The following TMEM114 variants were observed in gnomAD, a reference collection of about 807,000 sequenced individuals.
TMEM114 encodes claudin-26.
In TMEM114, 6 loss-of-function variants were observed where a neutral mutation model predicts 6.2. The observed-to-expected ratio is 0.97, with a 90% confidence interval of 0.53 to 1.91. The LOEUF is 1.91. Ranked by LOEUF, TMEM114 falls within the 40% of genes most tolerant of loss-of-function variation. The pLI is 0.01. For synonymous variants in TMEM114, 104 were observed against 73.0 expected (o/e 1.42, Z -2.16); for missense variants, 218 against 158.3 (o/e 1.38, Z -2.02).
intron 2 of TMEM114, among the ~76,000 whole-genome samples, chr16:8,539,762 G>GA (rs1008172769): frequency 1.2e-3 from 171 of 144,714 alleles, no homozygotes; most frequent in Middle Eastern, 3.4e-3. Flanking sequence ...AACTAAAAAA[G>GA]AAAAAAAAAA....
At chr16:8,528,432 C>T in the TMEM114 span, among the ~76,000 whole-genome samples, 1 of 152,118 alleles carries the variant, frequency 6.6e-6, no homozygotes, top group Admixed American at 6.6e-5. Context: ...TGACCTGCTC[C>T]CCCAAACATA....
chr16:8,537,066 C>A (rs1023018210), downstream of TMEM114, among the ~76,000 whole-genome samples: 2 of 152,002 alleles, frequency 1.3e-5, no homozygotes, highest in African/African-American at 4.8e-5. Flanking sequence ...ATTAGCTGGA[C>A]TTGGTGGTGC....
At chr16:8,549,658 G>C (rs1459369031) in intron 2 of TMEM114, among the ~76,000 whole-genome samples, 2 of 152,060 alleles carry the variant, frequency 1.3e-5, no homozygotes, top group East Asian at 3.8e-4. Context: ...AAAGATGGTT[G>C]TAATAGGAAA....
At chr16:8,556,905 C>T (rs1419989433) in intron 2 of TMEM114, among the ~76,000 whole-genome samples, 1 of 152,188 alleles carries the variant, frequency 6.6e-6, no homozygotes, top group Non-Finnish European at 1.5e-5. Context: ...CTCCCTGTGG[C>T]CTTCCGTAAT....
At chr16:8,547,542 G>A (rs1439617406) in intron 2 of TMEM114, among the ~76,000 whole-genome samples, 14 of 151,872 alleles carry the variant, frequency 9.2e-5, no homozygotes, top group Non-Finnish European at 1.5e-4. Flanking sequence ...ACAGGCACCC[G>A]CCACTACGCC....
At chr16:8,551,756 G>C (rs529005742) in intron 2 of TMEM114, among the ~76,000 whole-genome samples, 1 of 152,138 alleles carries the variant, frequency 6.6e-6, no homozygotes, top group Admixed American at 6.5e-5. Context: ...TGTTTCTAGG[G>C]GTGTTTCATT....
chr16:8,556,222 C>T (rs1210024135), intron 2 of TMEM114, among the ~76,000 whole-genome samples: 1 of 152,164 alleles, frequency 6.6e-6, no homozygotes, highest in Non-Finnish European at 1.5e-5. Context: ...ACACAAGTAT[C>T]AGCCCCTCTG....
In TMEM114 at chr16:8,590,024, C is replaced by G; in HGVS notation, c.-186G>C. Reference sequence around the variant, plus strand: ...GCTTAGACCCTGGCTCCTCACCTGCCGGCTCCGACCTGCACGCGCCCCCCG... The same window carrying G: ...GCTTAGACCCTGGCTCCTCACCTGCGGGCTCCGACCTGCACGCGCCCCCCG... On this transcript the variant is annotated 5_prime_UTR_variant, in exon 1 of 4. Transcript: ENST00000620492. The G allele has an allele frequency of 2.6e-6, 1 of 380,914 alleles. No individual in the cohort carries two copies. The highest frequency in any genetic ancestry group is 4.6e-6 in the Non-Finnish European group (1 of 215,360). 23.6% of individuals were successfully genotyped at this position (380,914 alleles called of 1,614,324 possible).
At chr16:8,542,718 G>C (rs1900551296) in intron 2 of TMEM114, among the ~76,000 whole-genome samples, 1 of 152,106 alleles carries the variant, frequency 6.6e-6, no homozygotes, top group Non-Finnish European at 1.5e-5. Context: ...AGCCTTGGAA[G>C]GAACAGGGGA....
chr16:8,569,448 G>A (rs1901647614), downstream of TMEM114: 2 of 1,165,626 alleles, frequency 1.7e-6, no homozygotes, highest in Non-Finnish European at 2.1e-6. Flanking sequence ...TGGGTGAGGA[G>A]GAAATGAAGT....
chr16:8,545,835 C>G (rs1010824045), intron 2 of TMEM114, among the ~76,000 whole-genome samples: 2 of 152,190 alleles, frequency 1.3e-5, no homozygotes, highest in African/African-American at 4.8e-5. Flanking sequence ...AAATGCTCAG[C>G]CAGGCATGGT....
At chr16:8,564,073 G>C (rs1218839707) in intron 2 of TMEM114, among the ~76,000 whole-genome samples, 1 of 148,260 alleles carries the variant, frequency 6.7e-6, no homozygotes, top group Non-Finnish European at 1.5e-5. Context: ...GAGTGAGTGA[G>C]TGCATGAATG....
chr16:8,543,296 G>T (rs191793174), intron 2 of TMEM114, among the ~76,000 whole-genome samples: 104 of 152,052 alleles, frequency 6.8e-4, no homozygotes, highest in African/African-American at 2.4e-3. Context: ...TTATTTTATC[G>T]TTCCCCCTTG....
chr16:8,550,216 C>A (rs1305493914), intron 2 of TMEM114, among the ~76,000 whole-genome samples: 1 of 152,232 alleles, frequency 6.6e-6, no homozygotes, highest in Non-Finnish European at 1.5e-5. Context: ...GTGGGTGGGT[C>A]TTCCTCTACC....
intron 2 of TMEM114, among the ~76,000 whole-genome samples, chr16:8,544,892 C>G (rs1900615025): frequency 6.6e-6 from 1 of 151,738 alleles, no homozygotes; most frequent in Admixed American, 6.6e-5. Context: ...GTGTCTATTC[C>G]AAGTGGTTAC....
At chr16:8,553,878 CTTTTTT>C (rs112276790) in intron 2 of TMEM114, among the ~76,000 whole-genome samples, 1 of 144,728 alleles carries the variant, frequency 6.9e-6, no homozygotes, top group Non-Finnish European at 1.5e-5. Context: ...TTTTCCTTTT[CTTTTTT>C]TTTTTTTCTT....
At chr16:8,571,621 T>C (rs1901735621) in intron 3 of TMEM114, among the ~76,000 whole-genome samples, 1 of 137,446 alleles carries the variant, frequency 7.3e-6, no homozygotes. Flanking sequence ...CCATTCTCTC[T>C]TTCTGTGAAT....
chr16:8,581,665 G>C (rs1902154131), intron 2 of TMEM114, among the ~76,000 whole-genome samples: 1 of 152,232 alleles, frequency 6.6e-6, no homozygotes, highest in Admixed American at 6.5e-5. Flanking sequence ...TGTTGGCCAG[G>C]CTGCTCTCAA....
intron 2 of TMEM114, among the ~76,000 whole-genome samples, chr16:8,554,543 C>G (rs1473237581): frequency 2.6e-5 from 4 of 152,220 alleles, no homozygotes; most frequent in Non-Finnish European, 5.9e-5. Context: ...CCTCCACCCC[C>G]AGCCGTGCTT....
Sources: gnomAD v4.1 joint callset for allele counts (sites outside exome capture counted in the v4.1 genomes callset) on GRCh38, gnomAD v4.1.1 for gene constraint, MANE v1.5 for transcripts, NCBI Gene and HGNC (gene_info 2026-07-23, HGNC 2026-07-21) for gene names.